Variants in SH3KBP1 observed in about 807,000 individuals in gnomAD.
SH3KBP1 encodes the protein SH3 domain-containing kinase-binding protein 1.
SH3KBP1 carries 8 observed loss-of-function variants against 50.1 expected under a neutral mutation model. The ratio of observed to expected loss-of-function variants is 0.16; its 90% CI spans 0.09 to 0.29. The LOEUF is 0.29. Ranked by LOEUF, SH3KBP1 falls within the 10% of genes least tolerant of loss-of-function variation. The probability of loss-of-function intolerance (pLI) is 1.00; values close to 1 mark genes in which losing one functional copy is unlikely to be tolerated. For missense variants in SH3KBP1, 377 were observed against 535.2 expected (o/e 0.70, Z 2.92); for synonymous variants, 227 against 218.6 (o/e 1.04, Z -0.34).
At chrX:19,760,760 T>C (rs2065397741) in intron 2 of SH3KBP1, among the ~76,000 whole-genome samples, 1 of 110,816 alleles carries the variant, frequency 9.0e-6, no homozygotes, top group Admixed American at 9.6e-5. Flanking sequence ...TTGTGAATAA[T>C]GGCACAGCCT....
intron 6 of SH3KBP1, among the ~76,000 whole-genome samples, chrX:19,681,261 C>T (rs556988897): frequency 5.9e-4 from 66 of 112,204 alleles, no homozygotes; most frequent in African/African-American, 2.0e-3. Context: ...CACTTCATGG[C>T]ACCAATATCA....
intron 12 of SH3KBP1, among the ~76,000 whole-genome samples, chrX:19,574,213 C>G (rs1366154899): frequency 9.0e-6 from 1 of 111,712 alleles, no homozygotes; most frequent in African/African-American, 3.3e-5. Flanking sequence ...CAACACACCC[C>G]TGTATCGCAA....
intron 3 of SH3KBP1, among the ~76,000 whole-genome samples, chrX:19,730,500 A>G (rs776800084): frequency 2.0e-4 from 22 of 111,352 alleles, no homozygotes; most frequent in Non-Finnish European, 3.4e-4. Context: ...CTAGGGAGAA[A>G]AGAAGGGGGC....
At chrX:19,605,964 C>T (rs1485485584) in intron 9 of SH3KBP1, among the ~76,000 whole-genome samples, 1 of 111,702 alleles carries the variant, frequency 9.0e-6, no homozygotes, top group African/African-American at 3.3e-5. Flanking sequence ...TAGGGAAGCT[C>T]GCCAAGATAC....
At chrX:19,760,033 TCTCTCTC>T (rs2065345022) in intron 2 of SH3KBP1, among the ~76,000 whole-genome samples, 2 of 64,802 alleles carry the variant, frequency 3.1e-5, no homozygotes, top group African/African-American at 1.7e-4. Flanking sequence ...CCTCTCTCTC[TCTCTCTC>T]CCTCTCTCTC....
intron 1 of SH3KBP1, among the ~76,000 whole-genome samples, chrX:19,869,855 T>TTAAG (rs1193449561): frequency 8.9e-6 from 1 of 112,413 alleles, no homozygotes; most frequent in African/African-American, 3.2e-5. Context: ...GGCACAACAC[T>TTAAG]TTGGAAATCC....
At chrX:19,819,837 G>A (rs1182570211) in intron 2 of SH3KBP1, among the ~76,000 whole-genome samples, 1 of 111,315 alleles carries the variant, frequency 9.0e-6, no homozygotes, top group African/African-American at 3.3e-5. Flanking sequence ...CCATTCTAAT[G>A]TAAACTTTAG....
intron 1 of SH3KBP1, among the ~76,000 whole-genome samples, chrX:19,857,298 G>A (rs1193342436): frequency 5.4e-5 from 6 of 110,431 alleles, no homozygotes; most frequent in Admixed American, 2.9e-4. Flanking sequence ...TGACACCTGC[G>A]GCAGAAGGAC....
intron 2 of SH3KBP1, among the ~76,000 whole-genome samples, chrX:19,826,161 T>C (rs1399882771): frequency 8.9e-6 from 1 of 112,493 alleles, no homozygotes; most frequent in African/African-American, 3.2e-5. Context: ...ATCCAGAACA[T>C]CTTTACAGAA....
At chrX:19,673,945 A>G (rs1001594464) in intron 6 of SH3KBP1, among the ~76,000 whole-genome samples, 5 of 111,832 alleles carry the variant, frequency 4.5e-5, no homozygotes, top group Admixed American at 3.8e-4. Flanking sequence ...TGAATTCCCA[A>G]CGTCTTTTAA....
At chrX:19,591,916 G>C in intron 11 of SH3KBP1, 151 bp downstream of exon 11, 1 of 495,811 alleles carries the variant, frequency 2.0e-6, no homozygotes, top group Non-Finnish European at 3.6e-6. Context: ...TACTTCCTTA[G>C]CAATAGGATT....
chrX:19,877,466 CT>C (rs2069287977), intron 1 of SH3KBP1, among the ~76,000 whole-genome samples: 1 of 111,975 alleles, frequency 8.9e-6, no homozygotes, highest in Non-Finnish European at 1.9e-5. Context: ...GCGTCTCCGT[CT>C]AGCTCCAGGC....
At chrX:19,615,047 C>A (rs5955826) in intron 8 of SH3KBP1, among the ~76,000 whole-genome samples, 31,710 of 111,073 alleles carry the variant, frequency 0.29, 4,383 homozygotes, top group African/African-American at 0.54. Flanking sequence ...GTATAGAATT[C>A]CTACACAAAG....
intron 6 of SH3KBP1, among the ~76,000 whole-genome samples, chrX:19,672,625 TAAAG>T (rs2062825564): frequency 9.0e-6 from 1 of 111,636 alleles, no homozygotes; most frequent in African/African-American, 3.3e-5. Context: ...TCATCAAAAA[TAAAG>T]AAAGTCTGGG....
chrX:19,720,055 T>C (rs948783719), intron 3 of SH3KBP1, among the ~76,000 whole-genome samples: 2 of 109,916 alleles, frequency 1.8e-5, no homozygotes, highest in Non-Finnish European at 3.8e-5. Context: ...CCTGACTCTC[T>C]CCCTTTTTTC....
At chrX:19,736,586 GA>G (rs908855435) in intron 3 of SH3KBP1, among the ~76,000 whole-genome samples, 5 of 112,359 alleles carry the variant, frequency 4.5e-5, no homozygotes, top group Non-Finnish European at 9.4e-5. Context: ...CTTCCTGGTT[GA>G]AACAATGAGG....
intron 2 of SH3KBP1, among the ~76,000 whole-genome samples, chrX:19,755,904 C>T (rs1180142808): frequency 1.8e-5 from 2 of 111,634 alleles, no homozygotes; most frequent in African/African-American, 6.5e-5. Context: ...GTCACGTACC[C>T]CCTGCTTGCT....
At chrX:19,546,072 G>C in intron 14 of SH3KBP1, 22 bp from the exon 15 acceptor site, 1 of 1,208,746 alleles carries the variant, frequency 8.3e-7, no homozygotes, top group Non-Finnish European at 1.1e-6. Flanking sequence ...AAAAGAAAAT[G>C]CTTTTGTCAG....
intron 8 of SH3KBP1, among the ~76,000 whole-genome samples, chrX:19,629,263 G>T (rs1473425364): frequency 9.0e-6 from 1 of 111,327 alleles, no homozygotes; most frequent in Admixed American, 9.5e-5. Flanking sequence ...ATGGACCAAG[G>T]CCACCAAGAC....
Sources: allele counts gnomAD v4.1 joint callset (sites outside exome capture counted in the v4.1 genomes callset), GRCh38; gene constraint gnomAD v4.1.1; transcripts MANE v1.5; gene names NCBI Gene and HGNC (gene_info 2026-07-23, HGNC 2026-07-21).